Variants in CRHR1 observed in about 807,000 individuals in gnomAD.
The protein encoded by CRHR1 is corticotropin-releasing hormone receptor 1.
CRHR1 carries 28 observed loss-of-function variants against 56.0 expected under a neutral mutation model. That is an observed-to-expected ratio of 0.50 (90% CI 0.37 to 0.69). The LOEUF is 0.69. CRHR1 is among the 30% of genes least tolerant of loss of function. The probability of loss-of-function intolerance (pLI) is 0.00; values close to 1 mark genes in which losing one functional copy is unlikely to be tolerated. For synonymous variants in CRHR1, 195 were observed against 216.5 expected (o/e 0.90, Z 0.87); for missense variants, 376 against 548.0 (o/e 0.69, Z 3.13).
intron 8 of CRHR1, among the ~76,000 whole-genome samples, chr17:45,831,437 T>C (rs2143249286): frequency 6.6e-6 from 1 of 152,372 alleles, no homozygotes; most frequent in African/African-American, 2.4e-5. Context: ...TGGACCTAGA[T>C]GATCTCAGAG....
chr17:45,784,390 G>C lies in CRHR1; in HGVS notation c.-155G>C. On this transcript the variant is annotated 5_prime_UTR_variant, in exon 1 of 13. Transcript: ENST00000314537. This position sits in a 1 kb window ranked among gnomAD's most constrained non-coding sequence, Gnocchi z 4.2. ...GGGCCGGGCCGGGCCGGGCCGCGGG[G>C]CCGGGAAGCGCCGAGCCGGGCATCT... 1 of 489,788 alleles carries C rather than the reference G, an allele frequency of 2.0e-6. No individual in the cohort carries two copies. The highest frequency in any genetic ancestry group is 3.1e-6 in the Non-Finnish European group (1 of 317,898). The allele number at this position is 489,788 out of a possible 1,614,324, so 30.3% of individuals were successfully genotyped here. A position where few individuals can be genotyped will look rare whatever the true frequency, so the allele number is the denominator to read the frequency against.
chr17:45,833,693 T>TGGGGGGGCCCCCCCCCCCCCC, intron 10 of CRHR1, 21 bp from the exon 11 acceptor site: 1 of 1,571,604 alleles, frequency 6.4e-7, no homozygotes, highest in Non-Finnish European at 8.7e-7. Context: ...ACTCCGAGCC[T>TGGGGGGGCCCCCCCCCCCCCC]CCCCACCCGC....
At chr17:45,831,003 C>A in intron 8 of CRHR1, 63 bp downstream of exon 8, 1 of 1,511,268 alleles carries the variant, frequency 6.6e-7, no homozygotes, top group Non-Finnish European at 9.2e-7. Context: ...CTTGGTGACA[C>A]TCCCCACGGG....
intron 1 of CRHR1, among the ~76,000 whole-genome samples, chr17:45,789,150 G>A (rs149303409): frequency 6.6e-5 from 10 of 152,286 alleles, no homozygotes; most frequent in East Asian, 3.9e-4. Flanking sequence ...GATCTGGGCC[G>A]TTTCTTCCTC....
At chr17:45,833,426 G>C in intron 9 of CRHR1, 26 bp from the exon 10 acceptor site, 1 of 1,611,706 alleles carries the variant, frequency 6.2e-7, no homozygotes, top group Non-Finnish European at 8.5e-7. Flanking sequence ...TGCACACTCC[G>C]GCCCGCTGGT....
chr17:45,798,230 A>C (rs1478990797), intron 1 of CRHR1, among the ~76,000 whole-genome samples: 1 of 152,148 alleles, frequency 6.6e-6, no homozygotes, highest in Non-Finnish European at 1.5e-5. Flanking sequence ...AGGATACAAA[A>C]ATAGCCAAAC....
intron 3 of CRHR1, among the ~76,000 whole-genome samples, chr17:45,817,119 G>GA (rs55757142): frequency 0.14 from 21,792 of 152,206 alleles, 2,121 homozygotes; most frequent in Middle Eastern, 0.22. Flanking sequence ...GTGGAGTGGG[G>GA]CAGGACGGGG....
intron 1 of CRHR1, among the ~76,000 whole-genome samples, chr17:45,803,747 A>AGTGC (rs2061665382): frequency 7.9e-6 from 1 of 127,388 alleles, no homozygotes; most frequent in Admixed American, 8.3e-5. Context: ...CTAGTTTGAG[A>AGTGC]GAGAGAGTGC....
rs1401626501 is a variant in CRHR1, at chr17:45,829,636, T to A, written c.434+315T>A. Reference sequence around the variant, plus strand: ...GGGCTCCATGGAGTGGTGCCCCATTTCAGGTTCGAAGGTACCTGGGCCCCA... The same window carrying A: ...GGGCTCCATGGAGTGGTGCCCCATTACAGGTTCGAAGGTACCTGGGCCCCA... On this transcript the variant is annotated intron_variant, in intron 5 of 12. Coordinates refer to ENST00000314537, the MANE Select transcript of CRHR1 (RefSeq NM_004382.5). 8 of 1,550,702 alleles carry A rather than the reference T, an allele frequency of 5.2e-6. No homozygotes were observed. The Admixed American group carries it at 1.4e-4, about 27-fold the overall frequency.
intron 1 of CRHR1, among the ~76,000 whole-genome samples, chr17:45,794,692 CTG>C (rs2146270848): frequency 6.6e-6 from 1 of 152,380 alleles, no homozygotes; most frequent in East Asian, 1.9e-4. Context: ...ACAAGGTGAG[CTG>C]AGGACCCATG....
intron 4 of CRHR1, chr17:45,827,742 G>C (rs1230854301): frequency 6.6e-6 from 1 of 152,288 alleles, no homozygotes; most frequent in South Asian, 2.1e-4. Context: ...CAATGAGGGT[G>C]CTCCTTCAGA....
chr17:45,784,684 C>G lies in CRHR1; in HGVS notation c.33+107C>G, dbSNP rs868165975. 66 of 1,202,250 alleles carry G rather than the reference C, an allele frequency of 5.5e-5. No individual in the cohort carries two copies. In the African/African-American group the frequency reaches 9.1e-4, roughly 17 times the overall value. 74.5% of individuals were successfully genotyped at this position (1,202,250 alleles called of 1,614,324 possible). A position where few individuals can be genotyped will look rare whatever the true frequency, so the allele number is the denominator to read the frequency against. Reference sequence around the variant, plus strand: ...ATGGGGGCGGGGGCGCTGGGAGAGCCGTGCTTAGGTCGGGGAAGGCTGGGC... The same window carrying G: ...ATGGGGGCGGGGGCGCTGGGAGAGCGGTGCTTAGGTCGGGGAAGGCTGGGC... On this transcript the variant is annotated intron_variant, in intron 1 of 12. Transcript: ENST00000314537. The surrounding 1 kb of genome is among the most constrained non-coding windows in gnomAD (Gnocchi z 4.2).
intron 12 of CRHR1, 83 bp downstream of exon 12, chr17:45,834,131 C>G: frequency 6.6e-7 from 1 of 1,517,836 alleles, no homozygotes; most frequent in South Asian, 1.1e-5. Context: ...TTCTCCTCCC[C>G]TCCCAGGGCT....
At chr17:45,808,841 G>A (rs1177933577) in intron 2 of CRHR1, among the ~76,000 whole-genome samples, 2 of 152,032 alleles carry the variant, frequency 1.3e-5, no homozygotes, top group African/African-American at 2.4e-5. Context: ...GTAAAGACAG[G>A]GTCTCAGTTG....
Position 45,832,133 on chromosome 17 carries a change from G to C in CRHR1, c.771-1005G>C, listed in dbSNP as rs571298153. ...TGTAGTCCAGCTACTCGGGAAGGCT[G>C]AGGCAGGAGAATCTCTTGAACCCAG... On this transcript the variant is annotated intron_variant, in intron 8 of 12. Transcript: ENST00000314537. 2.6e-4 allele frequency among the ~76,000 whole-genome samples: 39 copies of C among 152,294 alleles called. No homozygotes were observed. In the South Asian group the frequency reaches 7.7e-3, roughly 30 times the overall value.
chr17:45,792,073 G>T (rs2061436948), intron 1 of CRHR1, among the ~76,000 whole-genome samples: 1 of 152,114 alleles, frequency 6.6e-6, no homozygotes, highest in Non-Finnish European at 1.5e-5. Context: ...GGCACCTGGG[G>T]ACCACGGGCT....
In CRHR1 at chr17:45,789,675, C is replaced by G. The variant is rs192109734; in HGVS notation, c.33+5098C>G. Among the ~76,000 whole-genome samples, 3 of 152,366 alleles carry G rather than the reference C, an allele frequency of 2.0e-5. No individual in the cohort carries two copies. In the East Asian group the frequency reaches 5.8e-4, roughly 29 times the overall value. On this transcript the variant is annotated intron_variant, in intron 1 of 12. Coordinates refer to ENST00000314537, the MANE Select transcript of CRHR1 (RefSeq NM_004382.5). ...TACAGGCGTAAGCCACAGTGCCCAG[C>G]CTTCATCCTTTTAAAATGCTTGTCT...
chr17:45,810,840 C>A, intron 2 of CRHR1, among the ~76,000 whole-genome samples: 1 of 152,236 alleles, frequency 6.6e-6, no homozygotes, highest in East Asian at 1.9e-4. Flanking sequence ...GGTGGCCGAG[C>A]AAAGACCAGG....
chr17:45,811,903 C>G (rs2061831732), intron 2 of CRHR1, among the ~76,000 whole-genome samples: 1 of 152,132 alleles, frequency 6.6e-6, no homozygotes, highest in Admixed American at 6.5e-5. Context: ...ATGTAAGCAC[C>G]ATGAGGACAG....
Sources: gnomAD v4.1 joint callset for allele counts (sites outside exome capture counted in the v4.1 genomes callset) on GRCh38, gnomAD v4.1.1 for gene constraint, Gnocchi (gnomAD v3.1) non-coding constraint, MANE v1.5 for transcripts, NCBI Gene and HGNC (gene_info 2026-07-23, HGNC 2026-07-21) for gene names.